AKR7A2: variants seen among roughly 807,000 people sequenced by gnomAD.
AKR7A2 encodes aldo-keto reductase family 7 member A2, also known as aflatoxin B1 aldehyde reductase member 2.
Under a neutral mutation model 37.3 loss-of-function variants are expected in AKR7A2, and 29 were observed. The ratio of observed to expected loss-of-function variants is 0.78; its 90% CI spans 0.58 to 1.06. The LOEUF (loss-of-function observed/expected upper bound fraction) is 1.06, where lower values mean the gene tolerates loss of function less well. Ranked by LOEUF, AKR7A2 falls within the 50% of genes least tolerant of loss-of-function variation. The probability of loss-of-function intolerance (pLI) is 0.00; values close to 1 mark genes in which losing one functional copy is unlikely to be tolerated. For synonymous variants in AKR7A2, 228 were observed against 217.8 expected (o/e 1.05, Z -0.41); for missense variants, 529 against 497.9 (o/e 1.06, Z -0.59).
chr1:19,308,775 T>C, intron 1 of AKR7A2, 133 bp from the exon 2 acceptor site: 1 of 902,878 alleles, frequency 1.1e-6, no homozygotes, highest in Admixed American at 2.0e-5. Context: ...AATCAAACTG[T>C]CCTCATTGGG....
intron 1 of AKR7A2, among the ~76,000 whole-genome samples, chr1:19,309,940 G>A (rs2151989882): frequency 6.6e-6 from 1 of 152,192 alleles, no homozygotes; most frequent in Middle Eastern, 3.4e-3. Flanking sequence ...GCCAGGCGTG[G>A]TGGCACGTGC....
At chr1:19,306,869 A>C in intron 5 of AKR7A2, 133 bp downstream of exon 5, 1 of 805,154 alleles carries the variant, frequency 1.2e-6, no homozygotes, top group Middle Eastern at 2.2e-4. Flanking sequence ...AGGGCTTGGG[A>C]ATTCCTGAAG....
chr1:19,305,083 T>C (rs1467089624), intron 6 of AKR7A2: 2 of 157,448 alleles, frequency 1.3e-5, no homozygotes, highest in Admixed American at 6.0e-5. Flanking sequence ...CGGAAAAATA[T>C]GGAACACTTC....
chr1:19,308,069 G>GACGGC, intron 3 of AKR7A2, 89 bp downstream of exon 3: 1 of 1,539,650 alleles, frequency 6.5e-7, no homozygotes. Context: ...CTGCTATGCA[G>GACGGC]ACGGCACAGG....
At chr1:19,309,188 A>G (rs960152697) in intron 1 of AKR7A2, among the ~76,000 whole-genome samples, 1 of 152,256 alleles carries the variant, frequency 6.6e-6, no homozygotes, top group Non-Finnish European at 1.5e-5. Context: ...AGTCTAAGTT[A>G]TAAGAGCATA....
intron 2 of AKR7A2, 62 bp downstream of exon 2, chr1:19,308,393 A>G (rs1159227563): frequency 6.3e-7 from 1 of 1,599,790 alleles, no homozygotes; most frequent in Non-Finnish European, 8.5e-7. Flanking sequence ...TGCTCTCATG[A>G]GTAGGATCAG....
Position 19,308,212 on chromosome 1 carries a change from G to A in AKR7A2, c.537C>T (p.Ala179=), listed in dbSNP as rs77672886. 7.4e-6 allele frequency: 12 copies of A among 1,613,984 alleles called. No homozygotes were observed. In the East Asian group the frequency reaches 1.3e-4, roughly 18 times the overall value. The stretch of plus-strand genomic sequence containing the variant: ...TGCTCTTGCAGAGGGTACAGATCTC[G>A]GCCACTTCCCAGCTAGCATAGTTGG... ...GLSNYASWEV[A]EICTLCKSNG... is the part of the protein sequence containing the mutation. Residue 179 remains alanine (A), a synonymous_variant, in exon 3 of 7, where the codon GCC becomes GCT. Transcript: ENST00000235835.
chr1:19,307,183 G>A lies in AKR7A2; in HGVS notation c.689-82C>T. ...CCCTCAGGGCTCTGGTCTAGGGGAG[G>A]GGCAGGGACCCAGGAGGGGCTGAAG... On this transcript the variant is annotated intron_variant, in intron 4 of 6. Transcript: ENST00000235835. 3.8e-6 allele frequency: 6 copies of A among 1,592,470 alleles called. 1 individual carries two copies. The highest frequency in any genetic ancestry group is 2.2e-5 in the South Asian group (2 of 90,588).
downstream of AKR7A2, among the ~76,000 whole-genome samples, chr1:19,303,087 G>A (rs1027808746): frequency 4.6e-5 from 7 of 151,966 alleles, no homozygotes; most frequent in African/African-American, 1.4e-4. Context: ...GTTTTGTTAC[G>A]GGTAAACAGA....
Position 19,312,090 on chromosome 1 carries a change from G to C in AKR7A2, c.35C>G (p.Ala12Gly), listed in dbSNP as rs747902003. ...LSAASRVVSR[A>G]AVHCALRSPP... ...AGAGCGAAGCGCGCAGTGGACGGCG[G>C]CGCGGGAGACTACGCGAGACGCGGC... The change falls in exon 1 of 7, where the codon GCC becomes GGC. Residue 12 changes from alanine (A) to glycine (G), a missense_variant. Ala to Gly is a moderately conservative substitution (Grantham distance 60). Coordinates refer to ENST00000235835, the MANE Select transcript of AKR7A2 (RefSeq NM_003689.4). 42 of 1,335,582 alleles carry C rather than the reference G, an allele frequency of 3.1e-5. No individual in the cohort carries two copies. The South Asian group carries it at 6.3e-4, about 20-fold the overall frequency. 82.7% of individuals were successfully genotyped at this position (1,335,582 alleles called of 1,614,324 possible).
At chr1:19,308,698 T>A in intron 1 of AKR7A2, 56 bp from the exon 2 acceptor site, 1 of 1,524,110 alleles carries the variant, frequency 6.6e-7, no homozygotes, top group African/African-American at 1.4e-5. Context: ...GCTAACCATG[T>A]AACCCTGGCT....
In AKR7A2 at chr1:19,306,180, T is replaced by C. The variant is rs142024360; in HGVS notation, c.789-33A>G. The C allele has an allele frequency of 2.0e-4, 319 of 1,613,954 alleles. 2 individuals carry two copies. In the African/African-American group the frequency reaches 3.6e-3, roughly 18 times the overall value. On this transcript the variant is annotated intron_variant, in intron 5 of 6. Transcript: ENST00000235835. ...GAGGGGATGTTAGCACAGGGGTCAGTACCATGGGGGTCACACTGGGAGCCG... is the reference window on the plus strand; with the variant it reads ...GAGGGGATGTTAGCACAGGGGTCAGCACCATGGGGGTCACACTGGGAGCCG...
At chr1:19,304,779 C>A (rs2093758261) in intron 6 of AKR7A2, among the ~76,000 whole-genome samples, 1 of 151,954 alleles carries the variant, frequency 6.6e-6, no homozygotes. Flanking sequence ...CTACAAAAAA[C>A]AACAAAACAA....
Position 19,304,391 on chromosome 1 carries a change from A to C in AKR7A2, c.919-5T>G. 6.2e-7 allele frequency: 1 copy of C among 1,613,912 alleles called. No individual in the cohort carries two copies. Among genetic ancestry groups the C allele is most frequent in the Non-Finnish European group, 8.5e-7 (1 of 1,179,894 alleles). On this transcript the variant is annotated splice_region_variant and splice_polypyrimidine_tract_variant and intron_variant, in intron 6 of 6. Transcript: ENST00000235835. ...GACCGCGTCCCCGTGGGCACCCTGC[A>C]AGGGAGACGGCCAGACTTCAACCCT...
chr1:19,311,758 G>C, intron 1 of AKR7A2, 69 bp downstream of exon 1: 1 of 1,593,784 alleles, frequency 6.3e-7, no homozygotes, highest in Non-Finnish European at 8.6e-7. Flanking sequence ...GGCCCGAGCG[G>C]GGTGGTGCAC....
At chr1:19,305,532 G>A (rs755180595) in intron 6 of AKR7A2, among the ~76,000 whole-genome samples, 3 of 152,106 alleles carry the variant, frequency 2.0e-5, no homozygotes, top group Admixed American at 6.6e-5. Context: ...TAGAGATAGG[G>A]TCCCATTTTC....
At chr1:19,308,371 C>T in intron 2 of AKR7A2, 84 bp downstream of exon 2, 1 of 1,595,364 alleles carries the variant, frequency 6.3e-7, no homozygotes, top group Non-Finnish European at 8.6e-7. Flanking sequence ...CCTGGGACTG[C>T]CCTGGTGCCT....
At chr1:19,305,662 G>A (rs1467243661) in intron 6 of AKR7A2, among the ~76,000 whole-genome samples, 1 of 152,188 alleles carries the variant, frequency 6.6e-6, no homozygotes, top group Non-Finnish European at 1.5e-5. Context: ...TAACCAGGAA[G>A]ACATGAGGCA....
In AKR7A2 at chr1:19,311,811, C is replaced by G. The variant is rs757271193; in HGVS notation, c.298+16G>C. On this transcript the variant is annotated intron_variant, in intron 1 of 6. Transcript: ENST00000235835. ...GCTCTACACGATGCATGGGGAGGAT[C>G]TGCAGCTACTGTTACCTCTGCAGTC... The G allele has an allele frequency of 2.5e-6, 4 of 1,610,018 alleles. No homozygotes were observed. The highest frequency in any genetic ancestry group is 1.3e-5 in the African/African-American group (1 of 74,818).
Sources: gnomAD v4.1 joint callset for allele counts (sites outside exome capture counted in the v4.1 genomes callset) on GRCh38, gnomAD v4.1.1 for gene constraint, MANE v1.5 for transcripts, NCBI Gene and HGNC (gene_info 2026-07-23, HGNC 2026-07-21) for gene names.